The following OXR1 variants were observed in gnomAD, a reference collection of about 807,000 sequenced individuals.
OXR1 encodes oxidation resistance 1.
A neutral mutation model predicts 104.6 loss-of-function variants in OXR1; 41 were observed. The ratio of observed to expected loss-of-function variants is 0.39; its 90% CI spans 0.31 to 0.51. The LOEUF (loss-of-function observed/expected upper bound fraction) is 0.51, where lower values mean the gene tolerates loss of function less well. Ranked by LOEUF, OXR1 falls within the 20% of genes least tolerant of loss-of-function variation. OXR1 has a pLI of 0.77. For synonymous variants in OXR1, 348 were observed against 348.4 expected, an observed-to-expected ratio of 1.00 and a Z score of 0.01; for missense variants, 955 against 1,031.9, an observed-to-expected ratio of 0.93 and a Z score of 1.02.
At chr8:106,441,742 C>T (rs1456029144) in intron 2 of OXR1, among the ~76,000 whole-genome samples, 1 of 152,154 alleles carries the variant, frequency 6.6e-6, no homozygotes, top group Non-Finnish European at 1.5e-5. Context: ...TAAAGGAATG[C>T]TTGTGATTTT....
intron 2 of OXR1, among the ~76,000 whole-genome samples, chr8:106,502,540 C>A (rs1271945239): frequency 1.3e-5 from 2 of 152,084 alleles, no homozygotes; most frequent in Non-Finnish European, 2.9e-5. Flanking sequence ...AATGATGATG[C>A]CATTGGGTTC....
intron 2 of OXR1, among the ~76,000 whole-genome samples, chr8:106,504,758 A>G (rs1812045673): frequency 6.6e-6 from 1 of 152,236 alleles, no homozygotes; most frequent in Non-Finnish European, 1.5e-5. Context: ...GGATTGAAAA[A>G]TATACTGCTT....
intron 2 of OXR1, among the ~76,000 whole-genome samples, chr8:106,418,024 G>GTAT (rs1818749836): frequency 6.6e-6 from 1 of 152,102 alleles, no homozygotes; most frequent in African/African-American, 2.4e-5. Context: ...GGATGCAGTA[G>GTAT]CCTAGTCAGT....
At chr8:106,338,652 C>A (rs1333634057) in intron 1 of OXR1, among the ~76,000 whole-genome samples, 1 of 151,730 alleles carries the variant, frequency 6.6e-6, no homozygotes, top group African/African-American at 2.4e-5. Flanking sequence ...CTGCTATAGC[C>A]CAGTGGGAGC....
intron 1 of OXR1, among the ~76,000 whole-genome samples, chr8:106,310,027 T>C (rs1388786499): frequency 6.6e-6 from 1 of 151,942 alleles, no homozygotes; most frequent in Non-Finnish European, 1.5e-5. Flanking sequence ...TTGCATATTG[T>C]CTTCTGATTT....
intron 2 of OXR1, among the ~76,000 whole-genome samples, chr8:106,460,288 C>A (rs1415934286): frequency 6.6e-6 from 1 of 152,162 alleles, no homozygotes; most frequent in African/African-American, 2.4e-5. Flanking sequence ...TCTGCCCTAT[C>A]CTTTAAAAGC....
intron 6 of OXR1, 48 bp from the exon 7 acceptor site, chr8:106,692,680 A>G (rs1243034945): frequency 1.6e-6 from 2 of 1,241,612 alleles, no homozygotes; most frequent in Non-Finnish European, 2.2e-6. Flanking sequence ...GCTCATTTTT[A>G]TTTTGTTTTC....
intron 2 of OXR1, among the ~76,000 whole-genome samples, chr8:106,363,005 C>G (rs1480722669): frequency 1.3e-5 from 2 of 152,136 alleles, no homozygotes; most frequent in Admixed American, 6.6e-5. Context: ...CACTGTGATG[C>G]CTGCACACAC....
chr8:106,435,301 C>A (rs1023429377), intron 2 of OXR1, among the ~76,000 whole-genome samples: 1 of 152,120 alleles, frequency 6.6e-6, no homozygotes, highest in Admixed American at 6.5e-5. Context: ...TCGAAGAGCT[C>A]TCCTTGGCAG....
chr8:106,734,682 T>C (rs2131542731), intron 11 of OXR1, among the ~76,000 whole-genome samples: 1 of 152,292 alleles, frequency 6.6e-6, no homozygotes, highest in East Asian at 1.9e-4. Flanking sequence ...TGTTAGTCCA[T>C]TTGTAATAGT....
chr8:106,511,556 TACACAC>T (rs59970999), intron 2 of OXR1, among the ~76,000 whole-genome samples: 1 of 151,050 alleles, frequency 6.6e-6, no homozygotes, highest in Admixed American at 6.6e-5. Flanking sequence ...CTCTCTCTCA[TACACAC>T]ACACACACAC....
chr8:106,343,498 G>C (rs1396815309), intron 1 of OXR1, among the ~76,000 whole-genome samples: 2 of 152,178 alleles, frequency 1.3e-5, no homozygotes, highest in Non-Finnish European at 2.9e-5. Flanking sequence ...AAGGATGGTG[G>C]CTGCCACTGC....
chr8:106,347,211 T>TA (rs1815530387), intron 1 of OXR1, among the ~76,000 whole-genome samples: 1 of 152,234 alleles, frequency 6.6e-6, no homozygotes, highest in Admixed American at 6.5e-5. Context: ...ACGTTGTATA[T>TA]TTTCCAATAA....
intron 3 of OXR1, among the ~76,000 whole-genome samples, chr8:106,651,580 G>A (rs547672261): frequency 2.0e-5 from 3 of 152,252 alleles, no homozygotes; most frequent in Admixed American, 1.3e-4. Flanking sequence ...CTAAATGTAT[G>A]TGTTTACTTC....
intron 1 of OXR1, among the ~76,000 whole-genome samples, chr8:106,291,287 G>C (rs888229612): frequency 6.6e-6 from 1 of 152,102 alleles, no homozygotes; most frequent in African/African-American, 2.4e-5. Flanking sequence ...GACTACTAGA[G>C]GGGGAAAGAG....
At chr8:106,681,012 T>C (rs1022795839) in intron 4 of OXR1, among the ~76,000 whole-genome samples, 4 of 152,212 alleles carry the variant, frequency 2.6e-5, no homozygotes, top group African/African-American at 9.6e-5. Context: ...AGTTGAAATC[T>C]TGTACCTTAA....
At chr8:106,698,108 T>C in intron 7 of OXR1, 1 of 754,456 alleles carries the variant, frequency 1.3e-6, no homozygotes, top group South Asian at 1.6e-5. Flanking sequence ...AGCTTCTTCT[T>C]ACATGCTTAT....
At chr8:106,599,498 C>G (rs1350770627) in intron 3 of OXR1, among the ~76,000 whole-genome samples, 1 of 152,094 alleles carries the variant, frequency 6.6e-6, no homozygotes, top group Admixed American at 6.5e-5. Flanking sequence ...TTCTTTTGAT[C>G]CACATGTGTA....
intron 2 of OXR1, among the ~76,000 whole-genome samples, chr8:106,402,233 T>A (rs1818030829): frequency 6.6e-6 from 1 of 152,182 alleles, no homozygotes; most frequent in Admixed American, 6.5e-5. Context: ...AATAGTAATA[T>A]GATGGAAATC....
Sources: gnomAD v4.1 joint callset for allele counts (sites outside exome capture counted in the v4.1 genomes callset) on GRCh38, gnomAD v4.1.1 for gene constraint, MANE v1.5 for transcripts, NCBI Gene and HGNC (gene_info 2026-07-23, HGNC 2026-07-21) for gene names.